SYNDIG1: variants seen among roughly 807,000 people sequenced by gnomAD.
SYNDIG1 encodes the protein synapse differentiation-inducing gene protein 1.
SYNDIG1 carries 9 observed loss-of-function variants against 19.4 expected under a neutral mutation model. The ratio of observed to expected loss-of-function variants is 0.46; its 90% CI spans 0.28 to 0.81. SYNDIG1 has a LOEUF of 0.81. SYNDIG1 is among the 30% of genes least tolerant of loss of function. SYNDIG1 has a pLI of 0.12. For synonymous variants in SYNDIG1, 141 were observed against 145.9 expected (o/e 0.97, Z 0.24); for missense variants, 311 against 343.3 (o/e 0.91, Z 0.74).
intron 1 of SYNDIG1, among the ~76,000 whole-genome samples, chr20:24,521,278 C>T (rs544396668): frequency 2.0e-5 from 3 of 152,308 alleles, no homozygotes; most frequent in African/African-American, 7.2e-5. Context: ...CTATGCACTT[C>T]AGTGTCCCCA....
At chr20:24,489,305 C>T (rs2056072520) in intron 1 of SYNDIG1, among the ~76,000 whole-genome samples, 1 of 151,770 alleles carries the variant, frequency 6.6e-6, no homozygotes, top group African/African-American at 2.4e-5. Flanking sequence ...CACATGCAGG[C>T]ACACGCAGAC....
intron 1 of SYNDIG1, among the ~76,000 whole-genome samples, chr20:24,482,036 A>T (rs1378460011): frequency 6.6e-6 from 1 of 152,254 alleles, no homozygotes; most frequent in Non-Finnish European, 1.5e-5. Flanking sequence ...TTTGCAACAA[A>T]TTAACAAATG....
At chr20:24,652,268 G>C (rs896829124) in intron 3 of SYNDIG1, among the ~76,000 whole-genome samples, 2 of 152,212 alleles carry the variant, frequency 1.3e-5, no homozygotes, top group African/African-American at 4.8e-5. Flanking sequence ...CAAGTGAGAT[G>C]CAAGGTGAGG....
intron 1 of SYNDIG1, among the ~76,000 whole-genome samples, chr20:24,526,810 T>C (rs1360800395): frequency 6.6e-6 from 1 of 152,248 alleles, no homozygotes; most frequent in Non-Finnish European, 1.5e-5. Flanking sequence ...AATTTCATTA[T>C]GTCCAGTTCA....
At chr20:24,564,127 C>T (rs977636180) in intron 2 of SYNDIG1, among the ~76,000 whole-genome samples, 2 of 152,116 alleles carry the variant, frequency 1.3e-5, no homozygotes, top group African/African-American at 4.8e-5. Context: ...ACAGCATCTC[C>T]TACTTATCAT....
chr20:24,500,549 C>A (rs927796795), intron 1 of SYNDIG1, among the ~76,000 whole-genome samples: 1 of 139,152 alleles, frequency 7.2e-6, no homozygotes, highest in East Asian at 2.1e-4. Flanking sequence ...TTCTTTCTTT[C>A]TTTTTTCTTT....
At chr20:24,665,017 C>T (rs1243325006) in intron 3 of SYNDIG1, among the ~76,000 whole-genome samples, 1 of 152,112 alleles carries the variant, frequency 6.6e-6, no homozygotes, top group African/African-American at 2.4e-5. Flanking sequence ...CTAGCCCATC[C>T]CTCAGTACTC....
At chr20:24,495,775 C>T (rs2056286450) in intron 1 of SYNDIG1, 1 of 152,188 alleles carries the variant, frequency 6.6e-6, no homozygotes, top group African/African-American at 2.4e-5. Flanking sequence ...AACGCCCTGG[C>T]CAAATGCTGG....
chr20:24,528,743 C>T (rs1195960748), intron 1 of SYNDIG1, among the ~76,000 whole-genome samples: 1 of 152,208 alleles, frequency 6.6e-6, no homozygotes, highest in Non-Finnish European at 1.5e-5. Flanking sequence ...ATATATGCAT[C>T]CAAACCATTA....
At chr20:24,552,956 T>A (rs1263436882) in intron 2 of SYNDIG1, among the ~76,000 whole-genome samples, 7 of 152,096 alleles carry the variant, frequency 4.6e-5, no homozygotes, top group African/African-American at 1.7e-4. Flanking sequence ...TTTCTCCACA[T>A]CCTCTCCAGC....
chr20:24,474,673 G>T (rs6138304), intron 1 of SYNDIG1, among the ~76,000 whole-genome samples: 2 of 152,192 alleles, frequency 1.3e-5, no homozygotes, highest in African/African-American at 2.4e-5. Context: ...TAGAGAATGA[G>T]TCTGAAGGAG....
chr20:24,537,427 C>T (rs1006762492), intron 1 of SYNDIG1, among the ~76,000 whole-genome samples: 8 of 151,876 alleles, frequency 5.3e-5, no homozygotes, highest in Non-Finnish European at 8.8e-5. Context: ...ATACAGCACA[C>T]CTTCATTCAT....
At chr20:24,551,380 T>C (rs1250312796) in intron 2 of SYNDIG1, among the ~76,000 whole-genome samples, 1 of 152,134 alleles carries the variant, frequency 6.6e-6, no homozygotes, top group Admixed American at 6.5e-5. Flanking sequence ...TCTATTTCTT[T>C]CTTGGTCAGT....
chr20:24,495,974 AG>A (rs2056294132), intron 1 of SYNDIG1, among the ~76,000 whole-genome samples: 1 of 152,056 alleles, frequency 6.6e-6, no homozygotes, highest in South Asian at 2.1e-4. Flanking sequence ...CCTCCCGAGT[AG>A]CTGGGACTAC....
intron 1 of SYNDIG1, among the ~76,000 whole-genome samples, chr20:24,484,224 T>C (rs6036815): frequency 0.14 from 21,658 of 152,012 alleles, 4,191 homozygotes; most frequent in African/African-American, 0.44. Context: ...CTGGGCGTGT[T>C]CAGCCCCATT....
intron 3 of SYNDIG1, among the ~76,000 whole-genome samples, chr20:24,637,066 C>A (rs2059323461): frequency 6.6e-6 from 1 of 152,202 alleles, no homozygotes. Context: ...AAGGCAGTTC[C>A]CTGCAGCCAC....
Position 24,585,044 on chromosome 20 carries a change from G to A in SYNDIG1, c.618+51G>A, listed in dbSNP as rs759772793. 4.3e-6 allele frequency: 6 copies of A among 1,406,496 alleles called. No homozygotes were observed. In the East Asian group the frequency reaches 1.3e-4, roughly 30 times the overall value. 87.1% of individuals were successfully genotyped at this position (1,406,496 alleles called of 1,614,324 possible). A position where few individuals can be genotyped will look rare whatever the true frequency, so the allele number is the denominator to read the frequency against. On this transcript the variant is annotated intron_variant, in intron 3 of 3. Transcript: ENST00000376862. Reference sequence around the variant, plus strand: ...GTGGTGTGCAGGTGTTCACAGGGTGGGGGTGGGGGCGGCAATCCCAGCCGA... The same window carrying A: ...GTGGTGTGCAGGTGTTCACAGGGTGAGGGTGGGGGCGGCAATCCCAGCCGA...
At chr20:24,643,859 G>T (rs2147346100) in intron 3 of SYNDIG1, among the ~76,000 whole-genome samples, 1 of 152,306 alleles carries the variant, frequency 6.6e-6, no homozygotes, top group Non-Finnish European at 1.5e-5. Context: ...TTAAATATGT[G>T]ATTTCCAACC....
intron 1 of SYNDIG1, among the ~76,000 whole-genome samples, chr20:24,488,990 T>A (rs1416540986): frequency 1.3e-5 from 2 of 152,202 alleles, no homozygotes; most frequent in Non-Finnish European, 2.9e-5. Context: ...ATTTCCCCAC[T>A]GTGGCTGAGC....
Sources: gnomAD v4.1 joint callset for allele counts (sites outside exome capture counted in the v4.1 genomes callset) on GRCh38, gnomAD v4.1.1 for gene constraint, MANE v1.5 for transcripts, NCBI Gene and HGNC (gene_info 2026-07-23, HGNC 2026-07-21) for gene names.